The following PRMT8 variants were observed in gnomAD, a reference collection of about 807,000 sequenced individuals.
PRMT8 encodes the protein protein arginine methyltransferase 8, also known as protein arginine N-methyltransferase 8.
A neutral mutation model predicts 47.1 loss-of-function variants in PRMT8; 7 were observed. The observed-to-expected ratio is 0.15, with a 90% CI of 0.08 to 0.28. PRMT8 has a LOEUF of 0.28. Ranked by LOEUF, PRMT8 falls within the 10% of genes least tolerant of loss-of-function variation. The probability of loss-of-function intolerance (pLI) is 1.00; values close to 1 mark genes in which losing one functional copy is unlikely to be tolerated. For synonymous variants in PRMT8, 188 were observed against 186.5 expected (o/e 1.01, Z -0.07); for missense variants, 237 against 505.4 (o/e 0.47, Z 5.09).
chr12:3,454,306 G>A (rs1486541617), intron 1 of PRMT8, among the ~76,000 whole-genome samples: 1 of 152,216 alleles, frequency 6.6e-6, no homozygotes, highest in Non-Finnish European at 1.5e-5. Flanking sequence ...GGCGGCTGCT[G>A]TTGGCTCAGA....
intron 1 of PRMT8, among the ~76,000 whole-genome samples, chr12:3,529,385 A>G (rs1865993470): frequency 6.6e-6 from 1 of 151,768 alleles, no homozygotes; most frequent in Non-Finnish European, 1.5e-5. Flanking sequence ...TGTTTTTTTA[A>G]CTCATTGTTG....
intron 9 of PRMT8, 132 bp from the exon 10 acceptor site, chr12:3,592,967 C>G: frequency 4.2e-6 from 3 of 710,092 alleles, no homozygotes; most frequent in Non-Finnish European, 7.4e-6. Flanking sequence ...AGGGGAACCC[C>G]TTAGCCAGAA....
chr12:3,391,964 T>C (rs1322650946), intron 1 of PRMT8, among the ~76,000 whole-genome samples: 2 of 152,010 alleles, frequency 1.3e-5, no homozygotes, highest in African/African-American at 4.8e-5. Context: ...GAGAAGCCTA[T>C]CCACAAATAG....
intron 1 of PRMT8, among the ~76,000 whole-genome samples, chr12:3,461,447 G>A (rs1031984866): frequency 2.0e-5 from 3 of 152,142 alleles, no homozygotes; most frequent in Non-Finnish European, 4.4e-5. Flanking sequence ...CATTTCCTTG[G>A]GCACTTAAGT....
chr12:3,524,281 AAAG>A (rs1315374306), intron 1 of PRMT8, among the ~76,000 whole-genome samples: 1 of 152,240 alleles, frequency 6.6e-6, no homozygotes. Context: ...GTAAAAAGAA[AAAG>A]AAGAAGGAAT....
intron 4 of PRMT8, among the ~76,000 whole-genome samples, chr12:3,567,553 T>C (rs531649561): frequency 3.9e-4 from 59 of 152,174 alleles, no homozygotes; most frequent in African/African-American, 1.4e-3. Context: ...AGTTTTAGAG[T>C]CATGTCATAT....
rs114557883 is a variant in PRMT8, at chr12:3,576,223, C to A, written c.713-648C>A. ...TGGGGTGGATCCTTAGTGAGTGCAT[C>A]TTGGCATACAAGGAAGGCAGAGATG... On this transcript the variant is annotated intron_variant, in intron 6 of 9. Coordinates refer to ENST00000382622, the MANE Select transcript of PRMT8 (RefSeq NM_019854.5). The surrounding 1 kb of genome is among the most constrained non-coding windows in gnomAD (Gnocchi z 4.0). Among the ~76,000 whole-genome samples, 1 of 152,282 alleles carries A rather than the reference C, an allele frequency of 6.6e-6. No individual in the cohort carries two copies. The highest frequency in any genetic ancestry group is 2.4e-5 in the African/African-American group (1 of 41,554).
chr12:3,570,887 A>C lies in PRMT8; in HGVS notation c.712+1323A>C, dbSNP rs1866832951. Among the ~76,000 whole-genome samples the C allele has an allele frequency of 6.6e-6, 1 of 152,176 alleles. No individual in the cohort carries two copies. Among genetic ancestry groups the C allele is most frequent in the Non-Finnish European group, 1.5e-5 (1 of 68,024 alleles). On this transcript the variant is annotated intron_variant, in intron 6 of 9. Transcript: ENST00000382622. This position sits in a 1 kb window ranked among gnomAD's most constrained non-coding sequence, Gnocchi z 5.5. ...TTTGACCTCCTGGGGGAAGGAGGCA[A>C]AATACCAAATGAGGACAGTGAGAGG... is the stretch of plus-strand genomic sequence containing the variant.
chr12:3,469,273 C>T (rs1055532663), intron 1 of PRMT8: 34 of 426,726 alleles, frequency 8.0e-5, no homozygotes, highest in Non-Finnish European at 1.1e-4. Flanking sequence ...TGCTGCCTCA[C>T]GACCCCCACC....
chr12:3,403,708 G>A (rs980517436), intron 1 of PRMT8, among the ~76,000 whole-genome samples: 2 of 151,352 alleles, frequency 1.3e-5, no homozygotes, highest in Non-Finnish European at 2.9e-5. Context: ...GTGAAACCCC[G>A]TCTCTACTAA....
chr12:3,517,649 C>G (rs1865815993), intron 1 of PRMT8, among the ~76,000 whole-genome samples: 1 of 152,012 alleles, frequency 6.6e-6, no homozygotes, highest in African/African-American at 2.4e-5. Context: ...TTGAGGGAGG[C>G]TGAGTACACA....
intron 1 of PRMT8, among the ~76,000 whole-genome samples, chr12:3,433,832 G>C (rs571746602): frequency 6.6e-6 from 1 of 152,232 alleles, no homozygotes; most frequent in South Asian, 2.1e-4. Context: ...GGCTGGTCTC[G>C]AACTCAGGTG....
upstream of PRMT8, among the ~76,000 whole-genome samples, chr12:3,489,807 TCACACA>T (rs59257723): frequency 6.5e-3 from 942 of 144,150 alleles, 13 homozygotes; most frequent in African/African-American, 0.017. Context: ...ATTCAAGTTT[TCACACA>T]CACACACACA....
chr12:3,395,221 T>C (rs376041120), intron 1 of PRMT8, among the ~76,000 whole-genome samples: 2 of 151,360 alleles, frequency 1.3e-5, no homozygotes, highest in Non-Finnish European at 3.0e-5. Context: ...TTCAGTTCTG[T>C]TCTGATTTTA....
chr12:3,530,898 C>T lies in PRMT8; in HGVS notation c.76-9708C>T, dbSNP rs73262026. Among the ~76,000 whole-genome samples the T allele has an allele frequency of 7.2e-3, 1,093 of 152,266 alleles. 12 individuals are homozygous for T. The highest frequency in any genetic ancestry group is 0.025 in the African/African-American group (1,049 of 41,536). Reference sequence around the variant, plus strand: ...CATCACCATAGCCCCACAAAAGAGGCGGGACAGAAAATCATTGCCATTTGG... The same window carrying T: ...CATCACCATAGCCCCACAAAAGAGGTGGGACAGAAAATCATTGCCATTTGG... On this transcript the variant is annotated intron_variant, in intron 1 of 9. Transcript: ENST00000382622.
At chr12:3,419,179 G>A (rs1317444373) in intron 1 of PRMT8, among the ~76,000 whole-genome samples, 2 of 152,198 alleles carry the variant, frequency 1.3e-5, no homozygotes, top group Non-Finnish European at 2.9e-5. Context: ...TTTGCTCAAG[G>A]TCACAAAGCT....
intron 1 of PRMT8, among the ~76,000 whole-genome samples, chr12:3,413,395 C>T (rs1180388707): frequency 6.6e-6 from 1 of 152,124 alleles, no homozygotes; most frequent in African/African-American, 2.4e-5. Flanking sequence ...TGATAAATTA[C>T]CCAGTCCTGG....
chr12:3,405,249 TACA>T (rs1009769596), intron 1 of PRMT8, among the ~76,000 whole-genome samples: 9 of 152,098 alleles, frequency 5.9e-5, no homozygotes, highest in Non-Finnish European at 1.2e-4. Flanking sequence ...ACTCACTCAC[TACA>T]ACAAGACCAG....
chr12:3,573,150 A>T (rs73243706), intron 6 of PRMT8, among the ~76,000 whole-genome samples: 3,518 of 151,996 alleles, frequency 0.023, 150 homozygotes, highest in African/African-American at 0.08. Flanking sequence ...TGTCCTATGG[A>T]GCTTGGATCC....
Sources: gnomAD v4.1 joint callset for allele counts (sites outside exome capture counted in the v4.1 genomes callset) on GRCh38, gnomAD v4.1.1 for gene constraint, Gnocchi (gnomAD v3.1) non-coding constraint, MANE v1.5 for transcripts, NCBI Gene and HGNC (gene_info 2026-07-23, HGNC 2026-07-21) for gene names.